The following ARHGAP18 variants were observed in gnomAD, a reference collection of about 807,000 sequenced individuals.
ARHGAP18 encodes Rho GTPase activating protein 18, also known as rho GTPase-activating protein 18.
In ARHGAP18, 67 loss-of-function variants were observed where a neutral mutation model predicts 86.2. That is an observed-to-expected ratio of 0.78 (90% CI 0.64 to 0.95). ARHGAP18 has a LOEUF of 0.95. ARHGAP18 is among the 40% of genes least tolerant of loss of function. The probability of loss-of-function intolerance (pLI) is 0.00; values close to 1 mark genes in which losing one functional copy is unlikely to be tolerated. For missense variants in ARHGAP18, 691 were observed against 780.4 expected (o/e 0.89, Z 1.37); for synonymous variants, 283 against 280.4 (o/e 1.01, Z -0.09).
chr6:129,643,358 T>C (rs1054534593), intron 1 of ARHGAP18, among the ~76,000 whole-genome samples: 1 of 152,090 alleles, frequency 6.6e-6, no homozygotes, highest in Admixed American at 6.6e-5. Context: ...AGTGAGTGAG[T>C]TGTCATGAGA....
At chr6:129,682,185 C>T (rs1193536964) in intron 1 of ARHGAP18, among the ~76,000 whole-genome samples, 2 of 152,204 alleles carry the variant, frequency 1.3e-5, no homozygotes, top group Admixed American at 6.5e-5. Context: ...CTACTACCCA[C>T]CCTAACCCCC....
chr6:129,638,552 C>T lies in ARHGAP18; in HGVS notation c.394G>A (p.Glu132Lys). The T allele has an allele frequency of 6.2e-7, 1 of 1,614,170 alleles. No homozygotes were observed. Among genetic ancestry groups the T allele is most frequent in the Non-Finnish European group, 8.5e-7 (1 of 1,180,022 alleles). Reference sequence around the variant, plus strand: ...AATGTTGATAAAAACACAATGCTTTCCTGTGGATCTCCAGCAGACTCTCCG... The same window carrying T: ...AATGTTGATAAAAACACAATGCTTTTCTGTGGATCTCCAGCAGACTCTCCG... ...LFGESAGDPQ[E>K]SIVFLSTLTR... is the part of the protein sequence containing the mutation. The change falls in exon 3 of 15, where the codon GAA (glutamate) becomes AAA (lysine). Residue 132 changes from glutamate (E) to lysine (K), a missense_variant. Physicochemically the swap from Glu to Lys is moderately conservative, Grantham distance 56 (BLOSUM62 1). Coordinates refer to ENST00000368149, the MANE Select transcript of ARHGAP18 (RefSeq NM_033515.3).
At chr6:129,695,595 A>G (rs140921081) in intron 1 of ARHGAP18, among the ~76,000 whole-genome samples, 2 of 152,276 alleles carry the variant, frequency 1.3e-5, no homozygotes, top group East Asian at 1.9e-4. Flanking sequence ...GAGATGACAC[A>G]ATTTTCAATC....
chr6:129,588,081 C>A (rs1788434226), intron 12 of ARHGAP18, among the ~76,000 whole-genome samples: 3 of 152,068 alleles, frequency 2.0e-5, no homozygotes, highest in Admixed American at 6.6e-5. Flanking sequence ...GGGCTACAGG[C>A]CCCACACAAG....
intron 1 of ARHGAP18, among the ~76,000 whole-genome samples, chr6:129,698,674 G>T (rs562380870): frequency 6.8e-6 from 1 of 146,606 alleles, no homozygotes; most frequent in African/African-American, 2.5e-5. Context: ...CCCGAGTAGC[G>T]TGTACCACCA....
At chr6:129,634,735 T>C (rs978976919) in intron 3 of ARHGAP18, among the ~76,000 whole-genome samples, 1 of 152,058 alleles carries the variant, frequency 6.6e-6, no homozygotes, top group Non-Finnish European at 1.5e-5. Context: ...TAAAACTGAT[T>C]GTAGTGATAG....
At chr6:129,699,593 G>T (rs17057651) in intron 1 of ARHGAP18, among the ~76,000 whole-genome samples, 14,497 of 152,198 alleles carry the variant, frequency 0.095, 731 homozygotes, top group Admixed American at 0.13. Context: ...CTAGTAAAAA[G>T]AAATTAATCC....
At chr6:129,647,216 G>A (rs2114505171) in intron 1 of ARHGAP18, among the ~76,000 whole-genome samples, 1 of 152,212 alleles carries the variant, frequency 6.6e-6, no homozygotes, top group South Asian at 2.1e-4. Context: ...AGTTCTCTCT[G>A]GGCATCCCCT....
intron 1 of ARHGAP18, among the ~76,000 whole-genome samples, chr6:129,707,129 A>T (rs1774814318): frequency 6.6e-6 from 1 of 151,808 alleles, no homozygotes; most frequent in Admixed American, 6.6e-5. Flanking sequence ...GCTACTATAG[A>T]GGCTGAGGCA....
At chr6:129,652,563 T>A (rs1034449126) in intron 1 of ARHGAP18, among the ~76,000 whole-genome samples, 4 of 152,214 alleles carry the variant, frequency 2.6e-5, no homozygotes. Context: ...ATAATTTCTA[T>A]TAGTTCAGAA....
intron 2 of ARHGAP18, among the ~76,000 whole-genome samples, chr6:129,640,195 AG>A (rs1157467040): frequency 1.3e-5 from 2 of 152,186 alleles, no homozygotes; most frequent in Non-Finnish European, 2.9e-5. Flanking sequence ...TACTATGTAG[AG>A]TCATTTTTTC....
chr6:129,603,096 T>C (rs1788781146), intron 10 of ARHGAP18, among the ~76,000 whole-genome samples: 1 of 152,094 alleles, frequency 6.6e-6, no homozygotes, highest in Non-Finnish European at 1.5e-5. Flanking sequence ...GCCTGTCACC[T>C]GGGCAGTGTA....
At chr6:129,615,486 G>T (rs1789077613) in intron 7 of ARHGAP18, among the ~76,000 whole-genome samples, 1 of 152,208 alleles carries the variant, frequency 6.6e-6, no homozygotes, top group Non-Finnish European at 1.5e-5. Flanking sequence ...AGTACTGGAT[G>T]AGTTTGCTGA....
At chr6:129,612,097 A>T (rs1304942824) in intron 7 of ARHGAP18, among the ~76,000 whole-genome samples, 1 of 152,226 alleles carries the variant, frequency 6.6e-6, no homozygotes, top group Non-Finnish European at 1.5e-5. Flanking sequence ...AACAAAGAAA[A>T]ATGTCCTTGT....
intron 5 of ARHGAP18, among the ~76,000 whole-genome samples, chr6:129,626,704 A>G (rs1309828529): frequency 6.7e-6 from 1 of 150,182 alleles, no homozygotes; most frequent in Non-Finnish European, 1.5e-5. Context: ...CACACAGACA[A>G]ATAGAAAAAA....
chr6:129,673,286 T>A (rs1180472872), intron 1 of ARHGAP18, among the ~76,000 whole-genome samples: 1 of 152,012 alleles, frequency 6.6e-6, no homozygotes, highest in Non-Finnish European at 1.5e-5. Context: ...GTTAATTTCT[T>A]TCTCATTTTT....
At chr6:129,672,691 T>G (rs1202490808) in intron 1 of ARHGAP18, among the ~76,000 whole-genome samples, 4 of 152,228 alleles carry the variant, frequency 2.6e-5, no homozygotes, top group African/African-American at 9.6e-5. Context: ...CAACTTTGCT[T>G]TTATAATAAT....
rs568867730 is a variant in ARHGAP18, at chr6:129,636,185, GTAAGCAAGTGCTTAACT to G, written c.553-2097_553-2081del. 1.7e-4 allele frequency among the ~76,000 whole-genome samples: 26 copies of G among 152,302 alleles called. No individual in the cohort carries two copies. In the East Asian group the frequency reaches 5.0e-3, roughly 29 times the overall value. On this transcript the variant is annotated intron_variant, in intron 3 of 14. Coordinates refer to ENST00000368149, the MANE Select transcript of ARHGAP18 (RefSeq NM_033515.3). ...GGATATCCCAAATAACCACTGGGTG[GTAAGCAAGTGCTTAACT>G]TAAGCAAGTGCCTGGAGCAATTTAA...
At position 129,668,362 on chromosome 6, in the gene ARHGAP18, T is replaced by TCACACACACACACACACA. The variant is rs35153109; in HGVS notation, c.114-26362_114-26345dup. ...CCAAACCATCAATTTACCCAAATAA[T>TCACACACACACACACACA]CACACACACACACACACACACACAC... is the stretch of plus-strand genomic sequence containing the variant. On this transcript the variant is annotated intron_variant, in intron 1 of 14. Transcript: ENST00000368149. 6.3e-4 allele frequency among the ~76,000 whole-genome samples: 87 copies of TCACACACACACACACACA among 137,840 alleles called. 2 individuals carry two copies. The highest frequency in any genetic ancestry group is 1.7e-3 in the African/African-American group (61 of 36,750). The allele number at this position is 137,840 out of a possible 152,430, so 90.4% of individuals were successfully genotyped here. A position where few individuals can be genotyped will look rare whatever the true frequency, so the allele number is the denominator to read the frequency against.
Sources: allele counts gnomAD v4.1 joint callset (sites outside exome capture counted in the v4.1 genomes callset), GRCh38; gene constraint gnomAD v4.1.1; transcripts MANE v1.5; gene names NCBI Gene and HGNC (gene_info 2026-07-23, HGNC 2026-07-21).